Variants in DIAPH3 observed in about 807,000 individuals in gnomAD.
DIAPH3 encodes protein diaphanous homolog 3.
A neutral mutation model predicts 144.3 loss-of-function variants in DIAPH3; 117 were observed. That is an observed-to-expected ratio of 0.81 (90% CI 0.70 to 0.95). The LOEUF (loss-of-function observed/expected upper bound fraction) is 0.95, where lower values mean the gene tolerates loss of function less well. Among genes scored for constraint, DIAPH3 ranks in the 40% least tolerant of loss-of-function variants. DIAPH3 has a pLI of 0.00. For synonymous variants in DIAPH3, 519 were observed against 488.9 expected, an observed-to-expected ratio of 1.06 and a Z score of -0.81; for missense variants, 1,421 against 1,412.7, an observed-to-expected ratio of 1.01 and a Z score of -0.09.
chr13:59,677,433 G>A (rs992992762), intron 27 of DIAPH3, among the ~76,000 whole-genome samples: 3 of 151,872 alleles, frequency 2.0e-5, no homozygotes, highest in Non-Finnish European at 4.4e-5. Flanking sequence ...AAAAAAAGGT[G>A]AAATTAGTTT....
At chr13:59,712,374 G>A (rs1268942083) in intron 27 of DIAPH3, among the ~76,000 whole-genome samples, 1 of 151,848 alleles carries the variant, frequency 6.6e-6, no homozygotes, top group East Asian at 1.9e-4. Context: ...TCATCTGTCT[G>A]TTCAAGTCAG....
intron 27 of DIAPH3, among the ~76,000 whole-genome samples, chr13:59,702,401 A>G (rs148076739): frequency 1.4e-3 from 206 of 152,340 alleles, no homozygotes; most frequent in Non-Finnish European, 2.6e-3. Flanking sequence ...GAAGCGTTAT[A>G]TTGGTCTTGC....
intron 22 of DIAPH3, among the ~76,000 whole-genome samples, chr13:59,850,368 C>T (rs1391574775): frequency 3.2e-4 from 48 of 151,100 alleles, no homozygotes; most frequent in Middle Eastern, 3.4e-3. Context: ...TGAATAGGAG[C>T]GGTGAGAGAG....
chr13:59,756,448 G>GGAAGGAAGGAAA (rs1210278962), intron 27 of DIAPH3, among the ~76,000 whole-genome samples: 4,088 of 125,892 alleles, frequency 0.032, 80 homozygotes, highest in African/African-American at 0.051. Flanking sequence ...AAGGAAAGAA[G>GGAAGGAAGGAAA]GAAGGAAGGA....
intron 20 of DIAPH3, among the ~76,000 whole-genome samples, chr13:59,905,364 A>G (rs2046678487): frequency 6.6e-6 from 1 of 150,766 alleles, no homozygotes; most frequent in African/African-American, 2.4e-5. Context: ...AAAAAAAAAA[A>G]AAAAAAGTGT....
In DIAPH3 at chr13:60,084,063, A is replaced by T. The variant is rs374465625; in HGVS notation, c.495+9565T>A. Among the ~76,000 whole-genome samples, 77 of 149,356 alleles carry T rather than the reference A, an allele frequency of 5.2e-4. 1 individual carries two copies. The highest frequency in any genetic ancestry group is 3.5e-3 in the Middle Eastern group (1 of 282). Reference sequence around the variant, plus strand: ...ATAGATAGATAGATAGATAGATAGAAAGAATAAACTATAGTCCGCAGAGGC... The same window carrying T: ...ATAGATAGATAGATAGATAGATAGATAGAATAAACTATAGTCCGCAGAGGC... On this transcript the variant is annotated intron_variant, in intron 4 of 27. Coordinates refer to ENST00000400324, the MANE Select transcript of DIAPH3 (RefSeq NM_001042517.2).
chr13:60,023,833 T>G (rs1231587466), intron 5 of DIAPH3, among the ~76,000 whole-genome samples: 1 of 150,924 alleles, frequency 6.6e-6, no homozygotes, highest in African/African-American at 2.4e-5. Flanking sequence ...TTTTGCCAAA[T>G]TTGGGGACTA....
In DIAPH3 at chr13:59,987,817, CA is replaced by C. The variant is rs540820835; in HGVS notation, c.1361+3340del. Among the ~76,000 whole-genome samples the C allele has an allele frequency of 1.4e-3, 203 of 141,202 alleles. 1 individual carries two copies. Among genetic ancestry groups the C allele is most frequent in the East Asian group, 4.3e-3 (18 of 4,230 alleles). The allele number at this position is 141,202 out of a possible 152,430, so 92.6% of individuals were successfully genotyped here. A position where few individuals can be genotyped will look rare whatever the true frequency, so the allele number is the denominator to read the frequency against. ...ACAAGAAAGATGTCTCAGAAAGGGA[CA>C]AAAAAAAAAAGATTTAATAAATGTA... is the stretch of plus-strand genomic sequence containing the variant. On this transcript the variant is annotated intron_variant, in intron 12 of 27. Coordinates refer to ENST00000400324, the MANE Select transcript of DIAPH3 (RefSeq NM_001042517.2).
chr13:59,784,179 T>A lies in DIAPH3; in HGVS notation c.3164-9356A>T, dbSNP rs149826572. ...CTCACTACAAACTCCGCCTCCCAGG[T>A]TCAAGTGATTCTCCTGTCTCAACCT... On this transcript the variant is annotated intron_variant, in intron 25 of 27. Coordinates refer to ENST00000400324, the MANE Select transcript of DIAPH3 (RefSeq NM_001042517.2). 1.3e-3 allele frequency among the ~76,000 whole-genome samples: 191 copies of A among 151,990 alleles called. 1 individual carries two copies. The highest frequency in any genetic ancestry group is 4.4e-3 in the African/African-American group (182 of 41,442).
Position 60,021,567 on chromosome 13 carries a change from T to C in DIAPH3, c.627-5422A>G, listed in dbSNP as rs573782209. 1.0e-3 allele frequency among the ~76,000 whole-genome samples: 150 copies of C among 150,734 alleles called. 1 individual carries two copies. Among genetic ancestry groups the C allele is most frequent in the South Asian group, 2.5e-3 (12 of 4,768 alleles). The stretch of plus-strand genomic sequence containing the variant: ...TGAACCCAGGAGGCAGAGAATGCAG[T>C]GAGCCAAGATGGTGCCTGGGCTCCA... On this transcript the variant is annotated intron_variant, in intron 5 of 27. Coordinates refer to ENST00000400324, the MANE Select transcript of DIAPH3 (RefSeq NM_001042517.2).
At position 59,819,531 on chromosome 13, in the gene DIAPH3, T is replaced by TA. The variant is rs996281230; in HGVS notation, c.3028-8609dup. On this transcript the variant is annotated intron_variant, in intron 24 of 27. Coordinates refer to ENST00000400324, the MANE Select transcript of DIAPH3 (RefSeq NM_001042517.2). ...TTGAACAACACAGATATCTTATTTC[T>TA]AAAAAACGTTCATATAATGTAGCAG... Among the ~76,000 whole-genome samples the TA allele has an allele frequency of 5.3e-5, 8 of 151,952 alleles. No individual in the cohort carries two copies. In the South Asian group the frequency reaches 6.2e-4, roughly 12 times the overall value.
chr13:59,927,109 C>T (rs1157040610), intron 17 of DIAPH3, among the ~76,000 whole-genome samples: 2 of 152,128 alleles, frequency 1.3e-5, no homozygotes, highest in African/African-American at 2.4e-5. Context: ...TTGACAAAGT[C>T]TGTTTTGACT....
At chr13:60,111,935 G>T in intron 3 of DIAPH3, 75 bp downstream of exon 3, 1 of 1,481,214 alleles carries the variant, frequency 6.8e-7, no homozygotes, top group Non-Finnish European at 9.4e-7. Flanking sequence ...TACCAAAAAT[G>T]CTTAGAGTTC....
At chr13:59,719,682 G>A (rs1473348354) in intron 27 of DIAPH3, among the ~76,000 whole-genome samples, 2 of 152,122 alleles carry the variant, frequency 1.3e-5, no homozygotes, top group Admixed American at 6.5e-5. Context: ...TCTTTAAAGA[G>A]CCATGCTTTC....
intron 21 of DIAPH3, among the ~76,000 whole-genome samples, chr13:59,877,307 A>AC (rs1233834696): frequency 6.6e-6 from 1 of 151,804 alleles, no homozygotes; most frequent in Non-Finnish European, 1.5e-5. Context: ...CTTCTCTGCC[A>AC]CCCCCATACC....
chr13:60,138,152 T>C (rs1443193404), intron 1 of DIAPH3, among the ~76,000 whole-genome samples: 2 of 152,214 alleles, frequency 1.3e-5, no homozygotes, highest in Non-Finnish European at 2.9e-5. Flanking sequence ...AGGTTTTTGT[T>C]TGTTTGGCGT....
chr13:60,146,917 G>T lies in DIAPH3; in HGVS notation c.181-13928C>A, dbSNP rs559618783. Among the ~76,000 whole-genome samples the T allele has an allele frequency of 2.6e-5, 4 of 152,178 alleles. No individual in the cohort carries two copies. In the South Asian group the frequency reaches 8.3e-4, roughly 32 times the overall value. ...TACTAAGGACTGCAGATCTCACAAGGATGTGAAGATAATTCTCACATGCCT... is the reference window on the plus strand; with the variant it reads ...TACTAAGGACTGCAGATCTCACAAGTATGTGAAGATAATTCTCACATGCCT... On this transcript the variant is annotated intron_variant, in intron 1 of 27. Transcript: ENST00000400324.
chr13:59,825,166 T>A (rs1254935654), intron 24 of DIAPH3, among the ~76,000 whole-genome samples: 2 of 152,044 alleles, frequency 1.3e-5, no homozygotes, highest in Non-Finnish European at 2.9e-5. Context: ...TAGGTATATC[T>A]CCTAATGCTA....
chr13:59,788,490 C>T (rs1223095990), intron 25 of DIAPH3, among the ~76,000 whole-genome samples: 3 of 152,102 alleles, frequency 2.0e-5, no homozygotes, highest in African/African-American at 7.2e-5. Context: ...AAAGATTGCA[C>T]ATATCACATA....
Sources: gnomAD v4.1 joint callset for allele counts (sites outside exome capture counted in the v4.1 genomes callset) on GRCh38, gnomAD v4.1.1 for gene constraint, MANE v1.5 for transcripts, NCBI Gene and HGNC (gene_info 2026-07-23, HGNC 2026-07-21) for gene names.